The following OR10P1 variants were observed in gnomAD, a reference collection of about 807,000 sequenced individuals.
OR10P1 encodes the protein olfactory receptor family 10 subfamily P member 1.
For missense variants in OR10P1, 424 were observed against 408.3 expected (o/e 1.04, Z -0.33); for synonymous variants, 181 against 171.1 (o/e 1.06, Z -0.45).
chr12:55,637,418 C>A lies in OR10P1; in HGVS notation c.527C>A (p.Pro176Gln), dbSNP rs779240126. The A allele has an allele frequency of 6.2e-7, 1 of 1,613,690 alleles. No individual in the cohort carries two copies. The highest frequency in any genetic ancestry group is 1.3e-5 in the African/African-American group (1 of 75,036). ...CCTTTTCGCAGCCACCCGATCATCC[C>A]GCACTTTCTCTGTGACATCCTGCCA... is the stretch of plus-strand genomic sequence containing the variant. ...SLPFRSHPII[P>Q]HFLCDILPVL... The change falls in exon 1 of 1, where the codon CCG (proline) becomes CAG (glutamine). Residue 176 changes from proline to glutamine, a missense_variant. Physicochemically the swap from Pro to Gln is moderately conservative, Grantham distance 76 (BLOSUM62 -1). Coordinates refer to ENST00000309675, the MANE Select transcript of OR10P1 (RefSeq NM_206899.1).
chr12:55,636,991 G>T lies in OR10P1; in HGVS notation c.100G>T (p.Val34Phe). 1 of 1,613,768 alleles carries T rather than the reference G, an allele frequency of 6.2e-7. No homozygotes were observed. Among genetic ancestry groups the T allele is most frequent in the Non-Finnish European group, 8.5e-7 (1 of 1,179,818 alleles). The change falls in exon 1 of 1, where the codon GTC becomes TTC. Residue 34 changes from valine (V) to phenylalanine (F), a missense_variant. Coordinates refer to ENST00000309675, the MANE Select transcript of OR10P1 (RefSeq NM_206899.1). ...CCCCCTGTTCTGGGTGGTGCTTCTGGTCTACCTGGTCACCTTGCTGGGTAA... is the reference window on the plus strand; with the variant it reads ...CCCCCTGTTCTGGGTGGTGCTTCTGTTCTACCTGGTCACCTTGCTGGGTAA... ...QGPLFWVVLL[V>F]YLVTLLGNSL...
chr12:55,637,456 G>A lies in OR10P1; in HGVS notation c.565G>A (p.Ala189Thr), dbSNP rs1565594619. The A allele has an allele frequency of 6.2e-7, 1 of 1,613,884 alleles. No individual in the cohort carries two copies. ...TGACATCCTGCCAGTACTGAGGCTG[G>A]CAAGTGCTGGGAAGCACAGGAGCGA... is the stretch of plus-strand genomic sequence containing the variant. ...LCDILPVLRLASAGKHRSEIS... is the reference protein window; with the variant it reads ...LCDILPVLRLTSAGKHRSEIS... The change falls in exon 1 of 1, where the codon GCA (alanine) becomes ACA (threonine). Residue 189 changes from alanine to threonine, a missense_variant. Coordinates refer to ENST00000309675, the MANE Select transcript of OR10P1 (RefSeq NM_206899.1).
chr12:55,636,989 T>A lies in OR10P1; in HGVS notation c.98T>A (p.Leu33Gln). The A allele has an allele frequency of 6.2e-7, 1 of 1,613,868 alleles. No homozygotes were observed. The highest frequency in any genetic ancestry group is 8.5e-7 in the Non-Finnish European group (1 of 1,179,792). The stretch of plus-strand genomic sequence containing the variant: ...GGCCCCCTGTTCTGGGTGGTGCTTC[T>A]GGTCTACCTGGTCACCTTGCTGGGT... Reference protein sequence around the residue: ...LQGPLFWVVLLVYLVTLLGNS... With the variant: ...LQGPLFWVVLQVYLVTLLGNS... Residue 33 changes from leucine (L) to glutamine (Q), a missense_variant, in exon 1 of 1, where the codon CTG (leucine) becomes CAG (glutamine). Leu to Gln is a moderately radical substitution (Grantham distance 113). Transcript: ENST00000309675.
rs757727573 is a variant in OR10P1 at position 55,637,501 on chromosome 12, A to T, written c.610A>T (p.Thr204Ser). 29 of 1,613,886 alleles carry T rather than the reference A, an allele frequency of 1.8e-5. No homozygotes were observed. The highest frequency in any genetic ancestry group is 2.4e-5 in the Non-Finnish European group (28 of 1,179,962). The change falls in exon 1 of 1, where the codon ACC becomes TCC. Residue 204 changes from threonine (T) to serine (S), a missense_variant. Thr to Ser is a moderately conservative substitution (Grantham distance 58). Coordinates refer to ENST00000309675, the MANE Select transcript of OR10P1 (RefSeq NM_206899.1). ...GAGCGAGATCTCCGTGATGACAGCC[A>T]CCATAGTCTTCATTATGATCCCCTT... Reference protein sequence around the residue: ...HRSEISVMTATIVFIMIPFSL... With the variant: ...HRSEISVMTASIVFIMIPFSL...
In OR10P1 at chr12:55,637,732, G is replaced by A. The variant is rs1868486121; in HGVS notation, c.841G>A (p.Val281Ile). 9.3e-6 allele frequency: 15 copies of A among 1,613,496 alleles called. No homozygotes were observed. The highest frequency in any genetic ancestry group is 1.3e-5 in the Non-Finnish European group (15 of 1,179,858). Residue 281 changes from valine (V) to isoleucine (I), a missense_variant, in exon 1 of 1, where the codon GTC (valine) becomes ATC (isoleucine). Val to Ile is a conservative substitution (Grantham distance 29). Transcript: ENST00000309675. The stretch of plus-strand genomic sequence containing the variant: ...CCGCGTCCTCAGTCTCTTCTACACA[G>A]TCATCACACCCATGCTCAACCCCAT... ...TDRVLSLFYT[V>I]ITPMLNPIIY...
At position 55,637,232 on chromosome 12, in the gene OR10P1, GC is replaced by G. The variant is rs752275464; in HGVS notation, c.343del (p.Leu115CysfsTer23). On this transcript the variant is annotated frameshift_variant, in exon 1 of 1. Transcript: ENST00000309675. LOFTEE classifies it low-confidence loss of function (END_TRUNC). ...ATTGTCCTGGGCATCTCGGAGTGCT[GC>G]CTGCTCACGGCCATGGCCTATGACC... ...VFIVLGISECCLLTAMAYDRY... is the reference protein window; with the variant it reads ...VFIVLGISECXLLTAMAYDRY... 3 of 1,614,084 alleles carry G rather than the reference GC, an allele frequency of 1.9e-6. No individual in the cohort carries two copies. The East Asian group carries it at 6.7e-5, about 36-fold the overall frequency.
Position 55,637,241 on chromosome 12 carries a change from C to G in OR10P1, c.350C>G (p.Thr117Arg). 4 of 1,614,126 alleles carry G rather than the reference C, an allele frequency of 2.5e-6. No individual in the cohort carries two copies. The highest frequency in any genetic ancestry group is 3.4e-6 in the Non-Finnish European group (4 of 1,180,012). ...VLGISECCLL[T>R]AMAYDRYVAI... is the part of the protein sequence containing the mutation. ...GGCATCTCGGAGTGCTGCCTGCTCACGGCCATGGCCTATGACCGATATGTT... is the reference window on the plus strand; with the variant it reads ...GGCATCTCGGAGTGCTGCCTGCTCAGGGCCATGGCCTATGACCGATATGTT... Residue 117 changes from threonine (T) to arginine (R), a missense_variant, in exon 1 of 1, where the codon ACG (threonine) becomes AGG (arginine). Thr to Arg is a moderately conservative substitution (Grantham distance 71). Coordinates refer to ENST00000309675, the MANE Select transcript of OR10P1 (RefSeq NM_206899.1).
chr12:55,637,830 C>G lies in OR10P1; in HGVS notation c.939C>G (p.Pro313=). ...RHLVKRQRPS[P] is the part of the protein sequence containing the mutation. ...TGGTGAAGAGGCAGCGCCCCTCACC[C>G]TGAAGGGACTCGGATGTCTGCTCAC... is the stretch of plus-strand genomic sequence containing the variant. The change falls in exon 1 of 1, where the codon CCC becomes CCG. Residue 313 remains proline, a synonymous_variant. Transcript: ENST00000309675. 6.3e-7 allele frequency: 1 copy of G among 1,583,040 alleles called. No individual in the cohort carries two copies. Among genetic ancestry groups the G allele is most frequent in the South Asian group, 1.1e-5 (1 of 90,004 alleles).
At position 55,637,417 on chromosome 12, in the gene OR10P1, C is replaced by T. The variant is rs191970757; in HGVS notation, c.526C>T (p.Pro176Ser). ...SLPFRSHPII[P>S]HFLCDILPVL... ...ACCTTTTCGCAGCCACCCGATCATC[C>T]CGCACTTTCTCTGTGACATCCTGCC... is the stretch of plus-strand genomic sequence containing the variant. Residue 176 changes from proline to serine, a missense_variant, in exon 1 of 1, where the codon CCG becomes TCG. Transcript: ENST00000309675. 8 of 1,613,686 alleles carry T rather than the reference C, an allele frequency of 5.0e-6. No individual in the cohort carries two copies. The highest frequency in any genetic ancestry group is 1.6e-4 in the Middle Eastern group (1 of 6,062).
Position 55,637,443 on chromosome 12 carries a change from A to G in OR10P1, c.552A>G (p.Pro184=). ...CGCACTTTCTCTGTGACATCCTGCC[A>G]GTACTGAGGCTGGCAAGTGCTGGGA... The part of the protein sequence containing the change: ...IIPHFLCDIL[P]VLRLASAGKH... Residue 184 remains proline (P), a synonymous_variant, in exon 1 of 1, where the codon CCA becomes CCG. Coordinates refer to ENST00000309675, the MANE Select transcript of OR10P1 (RefSeq NM_206899.1). The G allele has an allele frequency of 6.2e-7, 1 of 1,613,950 alleles. No homozygotes were observed. The highest frequency in any genetic ancestry group is 8.5e-7 in the Non-Finnish European group (1 of 1,180,028).
rs770351322 is a variant in OR10P1 at position 55,637,148 on chromosome 12, G to C, written c.257G>C (p.Gly86Ala). The C allele has an allele frequency of 1.2e-6, 2 of 1,614,048 alleles. No individual in the cohort carries two copies. Among genetic ancestry groups the C allele is most frequent in the Non-Finnish European group, 1.7e-6 (2 of 1,179,972 alleles). The part of the protein sequence containing the change: ...DIVPRTLANL[G>A]SPHPQAISFQ... ...GTGCCCAGGACCCTGGCCAATCTGG[G>C]CTCCCCGCATCCCCAGGCCATCTCT... is the stretch of plus-strand genomic sequence containing the variant. The change falls in exon 1 of 1, where the codon GGC (glycine) becomes GCC (alanine). Residue 86 changes from glycine (G) to alanine (A), a missense_variant. Physicochemically the swap from Gly to Ala is moderately conservative, Grantham distance 60. Transcript: ENST00000309675.
chr12:55,636,901 G>A lies in OR10P1; in HGVS notation c.10G>A (p.Glu4Lys). The A allele has an allele frequency of 1.2e-6, 2 of 1,610,082 alleles. No homozygotes were observed. The highest frequency in any genetic ancestry group is 1.7e-6 in the Non-Finnish European group (2 of 1,177,078). Residue 4 changes from glutamate to lysine, a missense_variant, in exon 1 of 1, where the codon GAA becomes AAA. Transcript: ENST00000309675. Reference sequence around the variant, plus strand: ...CTTCTGGCCTGGAGTGATGGCTGGGGAAAACCATACTACACTGCCTGAATT... The same window carrying A: ...CTTCTGGCCTGGAGTGATGGCTGGGAAAAACCATACTACACTGCCTGAATT... MAGENHTTLPEFLL... is the reference protein window; with the variant it reads MAGKNHTTLPEFLL...
rs772940707 is a variant in OR10P1, at chr12:55,637,479, C to A, written c.588C>A (p.Ser196Arg). Reference protein sequence around the residue: ...LRLASAGKHRSEISVMTATIV... With the variant: ...LRLASAGKHRREISVMTATIV... ...TGGCAAGTGCTGGGAAGCACAGGAG[C>A]GAGATCTCCGTGATGACAGCCACCA... The change falls in exon 1 of 1, where the codon AGC becomes AGA. Residue 196 changes from serine (S) to arginine (R), a missense_variant. Ser to Arg is a moderately radical substitution (Grantham distance 110). Transcript: ENST00000309675. 6.2e-7 allele frequency: 1 copy of A among 1,613,926 alleles called. No homozygotes were observed. Among genetic ancestry groups the A allele is most frequent in the South Asian group, 1.1e-5 (1 of 91,072 alleles).
Position 55,637,759 on chromosome 12 carries a change from A to T in OR10P1, c.868A>T (p.Ile290Phe), listed in dbSNP as rs1305233490. 1.2e-6 allele frequency: 2 copies of T among 1,613,292 alleles called. No individual in the cohort carries two copies. The highest frequency in any genetic ancestry group is 1.7e-6 in the Non-Finnish European group (2 of 1,179,998). Residue 290 changes from isoleucine (I) to phenylalanine (F), a missense_variant, in exon 1 of 1, where the codon ATC becomes TTC. Transcript: ENST00000309675. ...TVITPMLNPI[I>F]YTLRNKDVRR... ...CATCACACCCATGCTCAACCCCATC[A>T]TCTACACCCTTCGGAACAAGGACGT...
At position 55,637,784 on chromosome 12, in the gene OR10P1, T is replaced by G. The variant is rs1326137585; in HGVS notation, c.893T>G (p.Val298Gly). 2 of 1,611,310 alleles carry G rather than the reference T, an allele frequency of 1.2e-6. No homozygotes were observed. The highest frequency in any genetic ancestry group is 1.3e-5 in the African/African-American group (1 of 75,008). ...PIIYTLRNKD[V>G]RRALRHLVKR... is the part of the protein sequence containing the mutation. Reference sequence around the variant, plus strand: ...ATCTACACCCTTCGGAACAAGGACGTGAGGAGGGCCCTGCGACACTTGGTG... The same window carrying G: ...ATCTACACCCTTCGGAACAAGGACGGGAGGAGGGCCCTGCGACACTTGGTG... The change falls in exon 1 of 1, where the codon GTG becomes GGG. Residue 298 changes from valine (V) to glycine (G), a missense_variant. Transcript: ENST00000309675.
Sources: gnomAD v4.1 joint callset for allele counts on GRCh38, gnomAD v4.1.1 for gene constraint, MANE v1.5 for transcripts, NCBI Gene and HGNC (gene_info 2026-07-23, HGNC 2026-07-21) for gene names.